The following BRI3BP variants were observed in gnomAD, a reference collection of about 807,000 sequenced individuals.
BRI3BP encodes BRI3-binding protein.
BRI3BP carries 7 observed loss-of-function variants against 15.8 expected under a neutral mutation model. The ratio of observed to expected loss-of-function variants is 0.44; its 90% confidence interval spans 0.25 to 0.83. The LOEUF is 0.83. Ranked by LOEUF, BRI3BP falls within the 40% of genes least tolerant of loss-of-function variation. The pLI, the probability that BRI3BP is intolerant of heterozygous loss-of-function variation, is 0.20. For synonymous variants in BRI3BP, 192 were observed against 163.5 expected, an observed-to-expected ratio of 1.17 and a Z score of -1.33; for missense variants, 320 against 339.3, an observed-to-expected ratio of 0.94 and a Z score of 0.45.
chr12:125,031,574 A>ATTTTTTTTTTTT (rs367625363), downstream of BRI3BP, among the ~76,000 whole-genome samples: 6 of 84,244 alleles, frequency 7.1e-5, 1 homozygote, highest in African/African-American at 2.6e-4. Flanking sequence ...TTTTCTTTCT[A>ATTTTTTTTTTTT]TTTTTTTTTT....
intron 1 of BRI3BP, among the ~76,000 whole-genome samples, chr12:124,995,985 C>G (rs1005745278): frequency 1.3e-5 from 2 of 152,170 alleles, no homozygotes; most frequent in Non-Finnish European, 2.9e-5. Flanking sequence ...GTGATCTCGT[C>G]TCACTACAAC....
At chr12:125,037,811 C>CAAAAA in the BRI3BP span, among the ~76,000 whole-genome samples, 2 of 80,210 alleles carry the variant, frequency 2.5e-5, no homozygotes, top group Non-Finnish European at 5.2e-5. Flanking sequence ...GACTCTGTCT[C>CAAAAA]AAAAAAAAAA....
chr12:125,012,665 G>A (rs752711639), intron 2 of BRI3BP, 29 bp downstream of exon 2: 3 of 1,519,272 alleles, frequency 2.0e-6, no homozygotes, highest in East Asian at 4.5e-5. Flanking sequence ...TTCACGTAAG[G>A]TGTCATTCTA....
At chr12:124,994,364 C>T (rs1477545816) in intron 1 of BRI3BP, among the ~76,000 whole-genome samples, 1 of 152,200 alleles carries the variant, frequency 6.6e-6, no homozygotes, top group African/African-American at 2.4e-5. Flanking sequence ...AGCACACTGG[C>T]GCTCTCGGTC....
intron 1 of BRI3BP, among the ~76,000 whole-genome samples, chr12:125,006,643 C>T (rs1017010223): frequency 6.6e-6 from 1 of 152,216 alleles, no homozygotes; most frequent in Non-Finnish European, 1.5e-5. Context: ...TGCTCCGACA[C>T]GCTGGGCACC....
chr12:125,047,912 G>C, the BRI3BP span, among the ~76,000 whole-genome samples: 2 of 151,204 alleles, frequency 1.3e-5, no homozygotes, highest in Non-Finnish European at 2.9e-5. Context: ...GGCCAGGCTG[G>C]TCTTGAACCC....
chr12:125,015,900 C>A lies in BRI3BP; in HGVS notation c.316+3264C>A, dbSNP rs543116027. The stretch of plus-strand genomic sequence containing the variant: ...CACCCTCCCCCAGATGCAGCCACCG[C>A]GTGCAATCCTCTTAGCTTCCGTATC... On this transcript the variant is annotated intron_variant, in intron 2 of 2. Transcript: ENST00000341446. 3.9e-5 allele frequency among the ~76,000 whole-genome samples: 6 copies of A among 152,352 alleles called. 1 individual carries two copies. In the South Asian group the frequency reaches 1.2e-3, roughly 32 times the overall value.
rs1955367932 is a variant in BRI3BP at position 125,027,689 on chromosome 12, A to G, written c.*2259A>G. ...CGTCTCAAAAAAAATTATTTGCTGG[A>G]TCGAATCTTTTTTTTTTTGAGATGG... On this transcript the variant is annotated 3_prime_UTR_variant, in exon 3 of 3. Coordinates refer to ENST00000341446, the MANE Select transcript of BRI3BP (RefSeq NM_080626.6). 1 of 151,906 alleles carries G rather than the reference A, an allele frequency of 6.6e-6. No individual in the cohort carries two copies. The highest frequency in any genetic ancestry group is 1.5e-5 in the Non-Finnish European group (1 of 68,008). The allele number at this position is 151,906 out of a possible 1,614,324, so 9.4% of individuals were successfully genotyped here.
Position 125,026,491 on chromosome 12 carries a change from G to T in BRI3BP, c.*1061G>T, listed in dbSNP as rs929540469. On this transcript the variant is annotated 3_prime_UTR_variant, in exon 3 of 3. Coordinates refer to ENST00000341446, the MANE Select transcript of BRI3BP (RefSeq NM_080626.6). ...TTCCTGAAATATTTACGATACACAG[G>T]TGCTTTTTATCTGAAATCTGTTGTG... The T allele has an allele frequency of 1.3e-5, 2 of 152,032 alleles. No homozygotes were observed. Among genetic ancestry groups the T allele is most frequent in the African/African-American group, 4.8e-5 (2 of 41,380 alleles). 9.4% of individuals were successfully genotyped at this position (152,032 alleles called of 1,614,324 possible).
chr12:125,045,936 G>A, the BRI3BP span, among the ~76,000 whole-genome samples: 8 of 152,026 alleles, frequency 5.3e-5, no homozygotes, highest in African/African-American at 1.9e-4. Flanking sequence ...AGGCTGAGGT[G>A]GGCAGATCAC....
intron 1 of BRI3BP, among the ~76,000 whole-genome samples, chr12:125,000,382 C>T (rs1174957103): frequency 2.7e-5 from 4 of 146,388 alleles, no homozygotes; most frequent in East Asian, 2.0e-4. Context: ...GGCGCAATCT[C>T]GGCTCACTGC....
chr12:125,039,438 G>A, the BRI3BP span, among the ~76,000 whole-genome samples: 1 of 152,182 alleles, frequency 6.6e-6, no homozygotes, highest in Non-Finnish European at 1.5e-5. Flanking sequence ...TATGCAAAGA[G>A]GCTATGTTTG....
the BRI3BP span, among the ~76,000 whole-genome samples, chr12:125,036,365 AT>A: frequency 1.3e-5 from 2 of 150,634 alleles, no homozygotes; most frequent in Admixed American, 6.6e-5. Context: ...ACCCGGCCTA[AT>A]TTTTTTTATT....
chr12:125,016,435 T>C (rs2135995765), intron 2 of BRI3BP, among the ~76,000 whole-genome samples: 1 of 142,596 alleles, frequency 7.0e-6, no homozygotes, highest in Non-Finnish European at 1.5e-5. Context: ...GTGAGCCCCC[T>C]AGGTGATGTG....
Position 125,028,843 on chromosome 12 carries a change from TTC to T in BRI3BP, c.*3419_*3420del, listed in dbSNP as rs2136002859. The T allele has an allele frequency of 6.6e-6, 1 of 152,360 alleles. No individual in the cohort carries two copies. Among genetic ancestry groups the T allele is most frequent in the South Asian group, 2.1e-4 (1 of 4,830 alleles). 9.4% of individuals were successfully genotyped at this position (152,360 alleles called of 1,614,324 possible). A position where few individuals can be genotyped will look rare whatever the true frequency, so the allele number is the denominator to read the frequency against. ...CCACCCGCCACATGTCTTTGTTTTT[TTC>T]TCTCTTTTGTATGTGGAAAAATGTA... On this transcript the variant is annotated 3_prime_UTR_variant, in exon 3 of 3. Transcript: ENST00000341446.
At chr12:125,018,274 T>A (rs1955264306) in intron 2 of BRI3BP, among the ~76,000 whole-genome samples, 1 of 151,962 alleles carries the variant, frequency 6.6e-6, no homozygotes, top group Non-Finnish European at 1.5e-5. Context: ...CTGTTAGGAG[T>A]TGAATTGTGT....
intron 1 of BRI3BP, among the ~76,000 whole-genome samples, chr12:125,002,458 T>G (rs1446051765): frequency 6.8e-6 from 1 of 146,576 alleles, no homozygotes; most frequent in Admixed American, 7.0e-5. Context: ...TTTTTTTTGT[T>G]TTGTTTTTTT....
chr12:125,036,037 GTAATC>G (rs1356488117), downstream of BRI3BP, among the ~76,000 whole-genome samples: 1 of 145,748 alleles, frequency 6.9e-6, no homozygotes, highest in Non-Finnish European at 1.5e-5. Context: ...AACAAAATGA[GTAATC>G]TATAGTTTTT....
At chr12:125,003,720 AG>A (rs1238715461) in intron 1 of BRI3BP, among the ~76,000 whole-genome samples, 6 of 152,184 alleles carry the variant, frequency 3.9e-5, no homozygotes, top group Non-Finnish European at 8.8e-5. Context: ...TGGGAGGCCG[AG>A]GCGGGTGGGT....
Sources: allele counts gnomAD v4.1 joint callset (sites outside exome capture counted in the v4.1 genomes callset), GRCh38; gene constraint gnomAD v4.1.1; transcripts MANE v1.5; gene names NCBI Gene and HGNC (gene_info 2026-07-23, HGNC 2026-07-21).